TRIO: variants seen among roughly 807,000 people sequenced by gnomAD.
TRIO encodes trio Rho guanine nucleotide exchange factor.
TRIO carries 58 observed loss-of-function variants against 351.9 expected under a neutral mutation model. The observed-to-expected ratio is 0.16, with a 90% CI of 0.13 to 0.21. The LOEUF (loss-of-function observed/expected upper bound fraction) is 0.21, where lower values mean the gene tolerates loss of function less well. Among genes scored for constraint, TRIO ranks in the 10% least tolerant of loss-of-function variants. The pLI, the probability that TRIO is intolerant of heterozygous loss-of-function variation, is 1.00. For missense variants in TRIO, 3,201 were observed against 4,027.8 expected, an observed-to-expected ratio of 0.79 and a Z score of 5.56; for synonymous variants, 1,758 against 1,595.7, an observed-to-expected ratio of 1.10 and a Z score of -2.42.
chr5:14,298,650 AT>A (rs1474466939), intron 7 of TRIO, among the ~76,000 whole-genome samples: 1 of 152,206 alleles, frequency 6.6e-6, no homozygotes, highest in Non-Finnish European at 1.5e-5. Flanking sequence ...CAAGACACTA[AT>A]TAGCAGTGAT....
intron 7 of TRIO, among the ~76,000 whole-genome samples, chr5:14,302,895 C>A (rs376033214): frequency 7.2e-5 from 11 of 152,218 alleles, no homozygotes; most frequent in Non-Finnish European, 1.5e-4. Context: ...TTGGGCCTTC[C>A]GCACTTGCCT....
intron 43 of TRIO, among the ~76,000 whole-genome samples, chr5:14,480,749 A>G (rs1016201322): frequency 9.9e-5 from 15 of 152,204 alleles, no homozygotes; most frequent in African/African-American, 3.6e-4. Flanking sequence ...AAATCTACGT[A>G]GGAATGCCTT....
intron 8 of TRIO, among the ~76,000 whole-genome samples, chr5:14,308,179 G>T (rs1338956487): frequency 6.6e-6 from 1 of 152,062 alleles, no homozygotes; most frequent in African/African-American, 2.4e-5. Context: ...ACTGCTTCTA[G>T]ACCCTCTTAG....
chr5:14,465,642 T>G lies in TRIO; in HGVS notation c.5763+2T>G. The G allele has an allele frequency of 6.2e-7, 1 of 1,614,092 alleles. No individual in the cohort carries two copies. Among genetic ancestry groups the G allele is most frequent in the Non-Finnish European group, 8.5e-7 (1 of 1,180,004 alleles). Reference sequence around the variant, plus strand: ...GAGGAACTCGTGAAAAGCAAGATGGTGAGGCCTCCCAGAGAAAGTCTGACT... The same window carrying G: ...GAGGAACTCGTGAAAAGCAAGATGGGGAGGCCTCCCAGAGAAAGTCTGACT... On this transcript the variant is annotated splice_donor_variant, in intron 37 of 56. Transcript: ENST00000344204. LOFTEE classifies it high-confidence loss of function.
At chr5:14,179,276 TGCTAGACTCAAACATAC>T (rs1789601995) in intron 1 of TRIO, among the ~76,000 whole-genome samples, 1 of 152,232 alleles carries the variant, frequency 6.6e-6, no homozygotes, top group South Asian at 2.1e-4. Flanking sequence ...CTTTACCATG[TGCTAGACTCAAACATAC>T]GGTGAAGTTA....
intron 47 of TRIO, among the ~76,000 whole-genome samples, chr5:14,487,103 C>T (rs1392190138): frequency 2.0e-5 from 3 of 152,254 alleles, no homozygotes; most frequent in East Asian, 1.9e-4. Flanking sequence ...ACCGCCTCCA[C>T]GGCAGCCCCA....
Position 14,387,496 on chromosome 5 carries a change from G to T in TRIO, c.3629G>T (p.Gly1210Val). Residue 1210 changes from glycine (G) to valine (V), a missense_variant, in exon 22 of 57, where the codon GGG becomes GTG. By Grantham distance (109) the Gly-to-Val change is moderately radical. Around this residue, in one of 19 missense-constraint regions of TRIO, gnomAD observed 201 missense variants for 266.5 expected, o/e 0.75. Transcript: ENST00000344204. ...IQLADGFCEK[G>V]HAHAAEIKKC... ...CTGGCTGATGGCTTTTGTGAAAAAG[G>T]GCATGCCCATGCGGCAGAGATAAAA... 2 of 1,614,138 alleles carry T rather than the reference G, an allele frequency of 1.2e-6. No homozygotes were observed. The highest frequency in any genetic ancestry group is 1.7e-6 in the Non-Finnish European group (2 of 1,180,010).
intron 37 of TRIO, among the ~76,000 whole-genome samples, chr5:14,468,450 C>T (rs26102): frequency 0.091 from 13,929 of 152,256 alleles, 772 homozygotes; most frequent in Admixed American, 0.17. Flanking sequence ...GGTGCCTTCC[C>T]CTCCCTTGGG....
chr5:14,148,551 C>G (rs1787649886), intron 1 of TRIO, among the ~76,000 whole-genome samples: 1 of 152,210 alleles, frequency 6.6e-6, no homozygotes. Flanking sequence ...GCAGTGATAA[C>G]ACCCTGCCCC....
At chr5:14,398,815 CT>C in intron 29 of TRIO, 64 bp from the exon 30 acceptor site, 2 of 1,454,396 alleles carry the variant, frequency 1.4e-6, no homozygotes, top group Non-Finnish European at 9.4e-7. Context: ...ACTAATAATG[CT>C]TTCTTGTGCA....
intron 9 of TRIO, among the ~76,000 whole-genome samples, chr5:14,324,882 C>G (rs763458353): frequency 3.3e-5 from 5 of 152,190 alleles, no homozygotes; most frequent in East Asian, 1.9e-4. Context: ...TGTTCAAGGA[C>G]TTGCACTTAT....
At chr5:14,506,208 G>A (rs1370877431) in intron 55 of TRIO, among the ~76,000 whole-genome samples, 6 of 152,210 alleles carry the variant, frequency 3.9e-5, no homozygotes, top group African/African-American at 1.2e-4. Flanking sequence ...AAAGGCCTTC[G>A]TTTCTGGACT....
At position 14,479,904 on chromosome 5, in the gene TRIO, C is replaced by G; in HGVS notation, c.6244-15C>G. The G allele has an allele frequency of 6.2e-7, 1 of 1,613,462 alleles. No individual in the cohort carries two copies. Among genetic ancestry groups the G allele is most frequent in the Non-Finnish European group, 8.5e-7 (1 of 1,179,500 alleles). ...GAACAGCCCATACGATCTTTTCTCT[C>G]TCTTAAAACTGTAGGACTTAAAGCA... On this transcript the variant is annotated splice_polypyrimidine_tract_variant and intron_variant, in intron 42 of 56. Transcript: ENST00000344204.
intron 34 of TRIO, among the ~76,000 whole-genome samples, chr5:14,441,562 G>C (rs759286257): frequency 2.6e-5 from 4 of 152,210 alleles, no homozygotes; most frequent in Non-Finnish European, 5.9e-5. Flanking sequence ...GGAATGTGAG[G>C]AGCAACTGGG....
intron 46 of TRIO, among the ~76,000 whole-genome samples, chr5:14,483,602 A>G (rs1755691994): frequency 6.6e-6 from 1 of 152,048 alleles, no homozygotes; most frequent in African/African-American, 2.4e-5. Context: ...AGCAGCCTCC[A>G]TTTGCCTAAA....
intron 33 of TRIO, among the ~76,000 whole-genome samples, chr5:14,415,747 A>G (rs1192035548): frequency 3.9e-5 from 6 of 152,198 alleles, no homozygotes; most frequent in South Asian, 2.1e-4. Context: ...GATTTTGCCA[A>G]TTGTCCATAT....
At chr5:14,346,033 T>C (rs566524093) in intron 11 of TRIO, among the ~76,000 whole-genome samples, 43 of 152,360 alleles carry the variant, frequency 2.8e-4, no homozygotes, top group Non-Finnish European at 5.1e-4. Context: ...GTTGTTCTTA[T>C]TGAATAGGTA....
intron 34 of TRIO, among the ~76,000 whole-genome samples, chr5:14,437,864 G>A (rs1751720716): frequency 6.6e-6 from 1 of 152,210 alleles, no homozygotes; most frequent in Non-Finnish European, 1.5e-5. Flanking sequence ...TTGGGGCGAT[G>A]TGAAATATGG....
chr5:14,153,971 CCTGTAATTTAGTTT>C (rs1787966473), intron 1 of TRIO, among the ~76,000 whole-genome samples: 1 of 152,014 alleles, frequency 6.6e-6, no homozygotes, highest in East Asian at 1.9e-4. Flanking sequence ...TGGTTTGGGC[CCTGTAATTTAGTTT>C]CTGTGCCTTT....
Sources: allele counts gnomAD v4.1 joint callset (sites outside exome capture counted in the v4.1 genomes callset), GRCh38; gene constraint gnomAD v4.1.1; regional missense constraint gnomAD v4.1.1; transcripts MANE v1.5; gene names NCBI Gene and HGNC (gene_info 2026-07-23, HGNC 2026-07-21).